The following MNAT1 variants were observed in gnomAD, a reference collection of about 807,000 sequenced individuals.
MNAT1 encodes the protein CDK-activating kinase assembly factor MAT1.
MNAT1 carries 43 observed loss-of-function variants against 42.0 expected under a neutral mutation model. The observed-to-expected ratio is 1.02, with a 90% confidence interval of 0.80 to 1.32. The LOEUF (loss-of-function observed/expected upper bound fraction) is 1.32, where lower values mean the gene tolerates loss of function less well. Among genes scored for constraint, MNAT1 ranks in the 40% most tolerant of loss-of-function variants. The pLI is 0.00. For synonymous variants in MNAT1, 118 were observed against 120.0 expected, an observed-to-expected ratio of 0.98 and a Z score of 0.11; for missense variants, 306 against 350.4, an observed-to-expected ratio of 0.87 and a Z score of 1.01.
intron 7 of MNAT1, among the ~76,000 whole-genome samples, chr14:60,914,556 T>TTA (rs2035470178): frequency 6.7e-6 from 1 of 150,226 alleles, no homozygotes; most frequent in Admixed American, 6.6e-5. Flanking sequence ...ACAGATATGG[T>TTA]AAAAAAAAAA....
intron 3 of MNAT1, among the ~76,000 whole-genome samples, chr14:60,801,581 G>A (rs2032202644): frequency 6.6e-6 from 1 of 152,166 alleles, no homozygotes; most frequent in Non-Finnish European, 1.5e-5. Flanking sequence ...ATGAAAATGT[G>A]CTAAACACCA....
At chr14:60,941,283 G>C (rs1173315898) in intron 7 of MNAT1, among the ~76,000 whole-genome samples, 1 of 152,120 alleles carries the variant, frequency 6.6e-6, no homozygotes, top group Non-Finnish European at 1.5e-5. Context: ...TTGTATTAAT[G>C]AATTTATGGT....
At chr14:60,839,156 C>T (rs1268610050) in intron 6 of MNAT1, among the ~76,000 whole-genome samples, 1 of 152,122 alleles carries the variant, frequency 6.6e-6, no homozygotes, top group African/African-American at 2.4e-5. Flanking sequence ...TGGGGCCTGG[C>T]CTGTCAGTTC....
intron 7 of MNAT1, among the ~76,000 whole-genome samples, chr14:60,903,274 G>T (rs1014649339): frequency 6.6e-6 from 1 of 151,684 alleles, no homozygotes; most frequent in African/African-American, 2.4e-5. Context: ...GAACCTAATG[G>T]TGTATAATAT....
intron 1 of MNAT1, among the ~76,000 whole-genome samples, chr14:60,741,381 A>G (rs1896454902): frequency 6.6e-6 from 1 of 151,844 alleles, no homozygotes; most frequent in Non-Finnish European, 1.5e-5. Flanking sequence ...ATTTTTTGAG[A>G]TGGAATCTCG....
At chr14:60,949,302 A>T (rs559766580) in intron 7 of MNAT1, among the ~76,000 whole-genome samples, 2 of 152,174 alleles carry the variant, frequency 1.3e-5, no homozygotes, top group South Asian at 2.1e-4. Context: ...CCTGTTTTGA[A>T]CCTAAGGATG....
intron 6 of MNAT1, among the ~76,000 whole-genome samples, chr14:60,841,873 A>G (rs764538936): frequency 6.6e-6 from 1 of 152,232 alleles, no homozygotes; most frequent in Non-Finnish European, 1.5e-5. Context: ...CTGATGCCAT[A>G]TGTATTTATT....
rs140902302 is a variant in MNAT1 at position 60,965,104 on chromosome 14, G to A, written c.810-3125G>A. On this transcript the variant is annotated intron_variant, in intron 7 of 7. Transcript: ENST00000261245. ...AAAGTAAATAAGCAGGACTCTCAAC[G>A]ACTCATACTCACAGACATGTTTAAT... 4.3e-4 allele frequency among the ~76,000 whole-genome samples: 65 copies of A among 152,240 alleles called. 1 individual carries two copies. The East Asian group carries it at 0.011, about 25-fold the overall frequency.
intron 1 of MNAT1, chr14:60,780,409 G>C: frequency 6.4e-7 from 1 of 1,568,678 alleles, no homozygotes; most frequent in Non-Finnish European, 8.8e-7. Flanking sequence ...TTCTGCCACT[G>C]TTGGAAGTTT....
intron 5 of MNAT1, among the ~76,000 whole-genome samples, chr14:60,814,071 A>G (rs1027400086): frequency 4.6e-5 from 7 of 152,238 alleles, no homozygotes; most frequent in Admixed American, 4.6e-4. Context: ...ACTAAAATAC[A>G]TTGTTTCTGA....
chr14:60,873,286 T>G (rs1036267155), intron 6 of MNAT1, among the ~76,000 whole-genome samples: 1 of 152,180 alleles, frequency 6.6e-6, no homozygotes, highest in African/African-American at 2.4e-5. Flanking sequence ...TGCAGTATGT[T>G]TTTTTCTGAT....
At position 60,912,461 on chromosome 14, in the gene MNAT1, G is replaced by C. The variant is rs190253943; in HGVS notation, c.809+32626G>C. The stretch of plus-strand genomic sequence containing the variant: ...GCATGTTTTTGCAGTGGCTGGCACC[G>C]GTTGTTCCTTTCCATGTTTAGTGCT... On this transcript the variant is annotated intron_variant, in intron 7 of 7. Transcript: ENST00000261245. 5.6e-3 allele frequency among the ~76,000 whole-genome samples: 849 copies of C among 152,288 alleles called. 6 individuals are homozygous for C. Among genetic ancestry groups the C allele is most frequent in the Non-Finnish European group, 9.1e-3 (617 of 68,036 alleles).
chr14:60,938,395 T>C (rs535787577), intron 7 of MNAT1, among the ~76,000 whole-genome samples: 1 of 152,234 alleles, frequency 6.6e-6, no homozygotes, highest in South Asian at 2.1e-4. Flanking sequence ...TTTTGAGATA[T>C]GTCCCATCAA....
At chr14:60,846,440 A>T (rs1422329277) in intron 6 of MNAT1, among the ~76,000 whole-genome samples, 1 of 151,864 alleles carries the variant, frequency 6.6e-6, no homozygotes, top group African/African-American at 2.4e-5. Flanking sequence ...TCTAATATTT[A>T]TGGTTGTCCT....
chr14:60,818,579 A>T, intron 5 of MNAT1, 143 bp from the exon 6 acceptor site: 1 of 555,630 alleles, frequency 1.8e-6, no homozygotes, highest in Non-Finnish European at 2.8e-6. Context: ...GAATGTTAAT[A>T]TTTTTTGTAA....
chr14:60,875,951 T>A (rs932045366), intron 6 of MNAT1, among the ~76,000 whole-genome samples: 1 of 152,048 alleles, frequency 6.6e-6, no homozygotes, highest in Non-Finnish European at 1.5e-5. Flanking sequence ...AGACTGTAAA[T>A]GTACTTCTTT....
In MNAT1 at chr14:60,811,984, T is replaced by C. The variant is rs769285739; in HGVS notation, c.421-3T>C. The stretch of plus-strand genomic sequence containing the variant: ...CCACGCCATATATAAATTTTTGTTT[T>C]AGACTCGAGAACAGGAAGAACTGGA... On this transcript the variant is annotated splice_region_variant and splice_polypyrimidine_tract_variant and intron_variant, in intron 4 of 7. Transcript: ENST00000261245. The C allele has an allele frequency of 1.3e-6, 2 of 1,565,116 alleles. No homozygotes were observed. Among genetic ancestry groups the C allele is most frequent in the Non-Finnish European group, 1.7e-6 (2 of 1,162,396 alleles).
Position 60,968,245 on chromosome 14 carries a change from A to G in MNAT1, c.826A>G (p.Arg276Gly). Reference sequence around the variant, plus strand: ...TTGTTTTAGGTATTTAAACCATGTCAGAGCTGCCTCACCACAGGACCTTGC... The same window carrying G: ...TTGTTTTAGGTATTTAAACCATGTCGGAGCTGCCTCACCACAGGACCTTGC... Reference protein sequence around the residue: ...LGRLGYLNHVRAASPQDLAGG... With the variant: ...LGRLGYLNHVGAASPQDLAGG... The change falls in exon 8 of 8, where the codon AGA (arginine) becomes GGA (glycine). Residue 276 changes from arginine (R) to glycine (G), a missense_variant. Physicochemically the swap from Arg to Gly is moderately radical, Grantham distance 125. Transcript: ENST00000261245. 1 of 1,613,406 alleles carries G rather than the reference A, an allele frequency of 6.2e-7. No individual in the cohort carries two copies. The highest frequency in any genetic ancestry group is 8.5e-7 in the Non-Finnish European group (1 of 1,179,676).
chr14:60,876,201 T>C (rs545421194), intron 6 of MNAT1, among the ~76,000 whole-genome samples: 1 of 152,246 alleles, frequency 6.6e-6, no homozygotes, highest in African/African-American at 2.4e-5. Context: ...GCTCTCTGAA[T>C]CATTGGTCTG....
Sources: allele counts gnomAD v4.1 joint callset (sites outside exome capture counted in the v4.1 genomes callset), GRCh38; gene constraint gnomAD v4.1.1; transcripts MANE v1.5; gene names NCBI Gene and HGNC (gene_info 2026-07-23, HGNC 2026-07-21).